The following SLC25A26 variants were observed in gnomAD, a reference collection of about 807,000 sequenced individuals.
SLC25A26 encodes the protein solute carrier family 25 member 26.
In SLC25A26, 36 loss-of-function variants were observed where a neutral mutation model predicts 37.8. The observed-to-expected ratio is 0.95, with a 90% confidence interval of 0.73 to 1.26. The LOEUF (loss-of-function observed/expected upper bound fraction) is 1.26, where lower values mean the gene tolerates loss of function less well. SLC25A26 is among the 50% of genes most tolerant of loss of function. The probability of loss-of-function intolerance (pLI) is 0.00; values close to 1 mark genes in which losing one functional copy is unlikely to be tolerated. For synonymous variants in SLC25A26, 129 were observed against 122.5 expected (o/e 1.05, Z -0.35); for missense variants, 390 against 331.1 (o/e 1.18, Z -1.38).
intron 5 of SLC25A26, among the ~76,000 whole-genome samples, chr3:66,265,874 C>T (rs2073727184): frequency 6.6e-6 from 1 of 152,200 alleles, no homozygotes; most frequent in Admixed American, 6.5e-5. Flanking sequence ...CAGATTTCAC[C>T]TGGGTGCAGG....
In SLC25A26 at chr3:66,141,050, GACAC is replaced by G. The variant is rs35140096; in HGVS notation, c.-354+7085_-354+7088del. ...TTGTTACACTTCAGTATAGAAACAG[GACAC>G]ACACACACACACACACACGCAAATG... On this transcript the variant is annotated intron_variant, in intron 1 of 10. Transcript: ENST00000676754. Among the ~76,000 whole-genome samples the G allele has an allele frequency of 4.0e-3, 594 of 148,474 alleles. 5 individuals are homozygous for G. Among genetic ancestry groups the G allele is most frequent in the African/African-American group, 0.011 (443 of 40,462 alleles).
At chr3:66,161,983 T>C (rs1267539405) in intron 1 of SLC25A26, among the ~76,000 whole-genome samples, 1 of 152,230 alleles carries the variant, frequency 6.6e-6, no homozygotes, top group African/African-American at 2.4e-5. Context: ...CATGTTAGTA[T>C]GCTTGGGCTG....
In SLC25A26 at chr3:66,221,062, T is replaced by G; in HGVS notation, c.-33T>G. The G allele has an allele frequency of 6.5e-7, 1 of 1,535,748 alleles. No individual in the cohort carries two copies. Among genetic ancestry groups the G allele is most frequent in the Non-Finnish European group, 8.7e-7 (1 of 1,146,086 alleles). ...GGACGTGATCCGCTTCTGCTCCGGCTTGGATTGTAGCCTTGACGAGGTCTG... is the reference window on the plus strand; with the variant it reads ...GGACGTGATCCGCTTCTGCTCCGGCGTGGATTGTAGCCTTGACGAGGTCTG... On this transcript the variant is annotated 5_prime_UTR_variant, in exon 1 of 10. Transcript: ENST00000354883.
chr3:66,347,280 A>G (rs2076348544), intron 6 of SLC25A26, among the ~76,000 whole-genome samples: 2 of 152,230 alleles, frequency 1.3e-5, no homozygotes, highest in Non-Finnish European at 2.9e-5. Flanking sequence ...TTTACAAGAA[A>G]AAAACAAAGA....
chr3:66,332,573 G>C (rs944557926), intron 5 of SLC25A26, among the ~76,000 whole-genome samples: 1 of 152,000 alleles, frequency 6.6e-6, no homozygotes, highest in Non-Finnish European at 1.5e-5. Flanking sequence ...GCAGCACTTG[G>C]ATTTTCTTTT....
At chr3:66,328,794 T>C (rs1871354) in intron 5 of SLC25A26, among the ~76,000 whole-genome samples, 50,387 of 152,012 alleles carry the variant, frequency 0.33, 9,040 homozygotes, top group East Asian at 0.68. Flanking sequence ...TGCCCTTAAG[T>C]TTCTATTTGT....
intron 1 of SLC25A26, among the ~76,000 whole-genome samples, chr3:66,179,007 A>G (rs2070643154): frequency 6.6e-6 from 1 of 152,228 alleles, no homozygotes; most frequent in Admixed American, 6.5e-5. Flanking sequence ...CAGCATAGAG[A>G]GGATTTCAGC....
intron 1 of SLC25A26, among the ~76,000 whole-genome samples, chr3:66,158,729 T>C (rs2070317399): frequency 6.6e-6 from 1 of 152,144 alleles, no homozygotes; most frequent in Non-Finnish European, 1.5e-5. Flanking sequence ...TTTATTAATC[T>C]GTTTGTTTGT....
intron 5 of SLC25A26, among the ~76,000 whole-genome samples, chr3:66,297,023 A>G (rs1470626319): frequency 6.6e-6 from 1 of 152,140 alleles, no homozygotes; most frequent in Non-Finnish European, 1.5e-5. Context: ...TAATAATAAG[A>G]ATAAGAATGT....
intron 5 of SLC25A26, among the ~76,000 whole-genome samples, chr3:66,345,217 G>A (rs968080241): frequency 2.6e-5 from 4 of 151,984 alleles, no homozygotes; most frequent in Admixed American, 1.3e-4. Context: ...TCAGACCCAC[G>A]TCCCCCTGTG....
intron 1 of SLC25A26, among the ~76,000 whole-genome samples, chr3:66,143,921 C>T (rs1214752818): frequency 2.0e-5 from 3 of 152,044 alleles, no homozygotes; most frequent in Admixed American, 6.6e-5. Context: ...ACAGCAAAGC[C>T]TTAAACCAAG....
chr3:66,154,021 C>G (rs1289560337), intron 1 of SLC25A26, among the ~76,000 whole-genome samples: 1 of 152,130 alleles, frequency 6.6e-6, no homozygotes, highest in Non-Finnish European at 1.5e-5. Context: ...TTCACGTAAT[C>G]GTGAGCTGTG....
At chr3:66,362,022 A>G (rs76767570) in intron 6 of SLC25A26, among the ~76,000 whole-genome samples, 4,696 of 152,286 alleles carry the variant, frequency 0.031, 98 homozygotes, top group Non-Finnish European at 0.048. Flanking sequence ...ACTTGCTAGA[A>G]TGATTAAAAT....
chr3:66,312,546 C>A (rs1181081586), intron 5 of SLC25A26, among the ~76,000 whole-genome samples: 3 of 142,438 alleles, frequency 2.1e-5, no homozygotes, highest in Non-Finnish European at 3.1e-5. Context: ...AAAAAAGAAA[C>A]AACAGAAAAA....
intron 1 of SLC25A26, among the ~76,000 whole-genome samples, chr3:66,173,452 C>A (rs1311353933): frequency 6.6e-6 from 1 of 152,284 alleles, no homozygotes; most frequent in African/African-American, 2.4e-5. Flanking sequence ...GTTCTGCTAG[C>A]TTGGTGCCAT....
intron 5 of SLC25A26, among the ~76,000 whole-genome samples, chr3:66,299,046 TTG>T (rs937253141): frequency 1.3e-5 from 2 of 152,096 alleles, no homozygotes; most frequent in African/African-American, 2.4e-5. Context: ...GACCCTTGGT[TTG>T]TGTGTGTGTA....
At chr3:66,169,361 T>C (rs1408682257) in intron 1 of SLC25A26, among the ~76,000 whole-genome samples, 4 of 152,204 alleles carry the variant, frequency 2.6e-5, no homozygotes, top group African/African-American at 9.7e-5. Context: ...GTTAGACCAA[T>C]CCCTTACCTG....
chr3:66,204,434 AAAAAAG>A (rs1354109545), intron 1 of SLC25A26, among the ~76,000 whole-genome samples: 8 of 92,724 alleles, frequency 8.6e-5, no homozygotes, highest in African/African-American at 5.0e-4. Context: ...TCAAAAAAAA[AAAAAAG>A]AAAAAAAGAA....
At chr3:66,260,663 T>G (rs2073492783) in intron 3 of SLC25A26, among the ~76,000 whole-genome samples, 1 of 152,218 alleles carries the variant, frequency 6.6e-6, no homozygotes, top group Admixed American at 6.5e-5. Flanking sequence ...GTGCTCGGGC[T>G]TATATCTGTT....
Sources: allele counts gnomAD v4.1 joint callset (sites outside exome capture counted in the v4.1 genomes callset), GRCh38; gene constraint gnomAD v4.1.1; transcripts MANE v1.5; gene names NCBI Gene and HGNC (gene_info 2026-07-23, HGNC 2026-07-21).